CNOT6L: variants seen among roughly 807,000 people sequenced by gnomAD.
CNOT6L encodes CCR4-NOT transcription complex subunit 6 like, also known as CCR4-NOT transcription complex subunit 6-like.
A neutral mutation model predicts 64.0 loss-of-function variants in CNOT6L; 7 were observed. That is an observed-to-expected ratio of 0.11 (90% confidence interval 0.06 to 0.21). The LOEUF (loss-of-function observed/expected upper bound fraction) is 0.21. CNOT6L is among the 10% of genes least tolerant of loss of function. The probability of loss-of-function intolerance (pLI) is 1.00; values close to 1 mark genes in which losing one functional copy is unlikely to be tolerated. For missense variants in CNOT6L, 245 were observed against 669.0 expected (o/e 0.37, Z 6.99); for synonymous variants, 193 against 243.4 (o/e 0.79, Z 1.93).
At chr4:77,819,727 CGCCGGAGGGGAGAGGCACCG>C (rs1255004101), upstream of CNOT6L, 3 of 149,102 alleles carry the variant, frequency 2.0e-5, no homozygotes, top group Non-Finnish European at 4.5e-5. Context: ...GCAGGCAGCC[CGCCGGAGGGGAGAGGCACCG>C]GCCGGAGGGG....
At chr4:77,818,952 GC>G (rs1182135929) in intron 1 of CNOT6L, 1 of 648,590 alleles carries the variant, frequency 1.5e-6, no homozygotes, top group Non-Finnish European at 2.8e-6. Context: ...TCCCCGGCCG[GC>G]CCCCTAGGAG....
intron 3 of CNOT6L, among the ~76,000 whole-genome samples, chr4:77,774,127 A>C (rs1727905680): frequency 6.6e-6 from 1 of 152,214 alleles, no homozygotes; most frequent in Non-Finnish European, 1.5e-5. Context: ...CCATTTCATC[A>C]GGTTTTAAGG....
chr4:77,759,653 G>C (rs746403185), intron 4 of CNOT6L, among the ~76,000 whole-genome samples: 2 of 151,352 alleles, frequency 1.3e-5, no homozygotes, highest in Non-Finnish European at 2.9e-5. Flanking sequence ...AGTGTCAGCA[G>C]CGACAACAGG....
At chr4:77,729,761 TC>T (rs1722236271) in intron 9 of CNOT6L, among the ~76,000 whole-genome samples, 1 of 152,056 alleles carries the variant, frequency 6.6e-6, no homozygotes, top group African/African-American at 2.4e-5. Context: ...TTTTTTTTAT[TC>T]CTATAATTCT....
At chr4:77,727,446 A>AATTCCAG (rs1311219330) in intron 10 of CNOT6L, among the ~76,000 whole-genome samples, 1 of 151,874 alleles carries the variant, frequency 6.6e-6, no homozygotes, top group Non-Finnish European at 1.5e-5. Context: ...ATGCACCTGT[A>AATTCCAG]ATTCCAGCTA....
intron 5 of CNOT6L, among the ~76,000 whole-genome samples, chr4:77,748,761 TACTC>T (rs572518039): frequency 3.8e-4 from 58 of 152,166 alleles, no homozygotes; most frequent in Non-Finnish European, 5.3e-4. Flanking sequence ...TGAATTAAAA[TACTC>T]AAACATCTTT....
intron 1 of CNOT6L, among the ~76,000 whole-genome samples, chr4:77,793,314 C>T (rs1730380880): frequency 6.6e-6 from 1 of 152,122 alleles, no homozygotes; most frequent in Non-Finnish European, 1.5e-5. Context: ...CAGCAATTTC[C>T]AACTGGAGAC....
chr4:77,769,336 G>A (rs762577615), intron 4 of CNOT6L, among the ~76,000 whole-genome samples: 1 of 152,042 alleles, frequency 6.6e-6, no homozygotes, highest in Admixed American at 6.6e-5. Flanking sequence ...ATAATGACAA[G>A]GTGTGTTTGT....
intron 9 of CNOT6L, 142 bp downstream of exon 9, chr4:77,731,245 T>C: frequency 1.5e-6 from 1 of 684,824 alleles, no homozygotes; most frequent in South Asian, 1.9e-5. Flanking sequence ...AATGGTGCTA[T>C]TTTCCTGCCC....
intron 8 of CNOT6L, among the ~76,000 whole-genome samples, chr4:77,733,095 T>A (rs2109901435): frequency 6.6e-6 from 1 of 152,244 alleles, no homozygotes; most frequent in South Asian, 2.1e-4. Context: ...AGCTGTGGAA[T>A]ACCTTTTACA....
intron 5 of CNOT6L, among the ~76,000 whole-genome samples, chr4:77,748,973 T>C (rs753274944): frequency 6.6e-6 from 1 of 152,204 alleles, no homozygotes; most frequent in Non-Finnish European, 1.5e-5. Flanking sequence ...AACTAAATGC[T>C]ACCTAACTAC....
intron 11 of CNOT6L, among the ~76,000 whole-genome samples, chr4:77,720,900 A>C (rs1466498409): frequency 6.6e-6 from 1 of 152,180 alleles, no homozygotes; most frequent in African/African-American, 2.4e-5. Flanking sequence ...AAACACATTA[A>C]ATTATGTCTA....
intron 1 of CNOT6L, among the ~76,000 whole-genome samples, chr4:77,777,416 C>A (rs773164024): frequency 1.3e-5 from 2 of 152,186 alleles, no homozygotes; most frequent in Non-Finnish European, 2.9e-5. Context: ...AATCACTGAA[C>A]AATCATCAAT....
intron 4 of CNOT6L, among the ~76,000 whole-genome samples, chr4:77,760,789 C>G (rs1042205490): frequency 2.7e-5 from 4 of 148,752 alleles, no homozygotes; most frequent in African/African-American, 9.9e-5. Context: ...CTCCGCCTCC[C>G]AGGTTCACGC....
At chr4:77,795,274 C>T (rs2110123114) in intron 1 of CNOT6L, among the ~76,000 whole-genome samples, 1 of 152,164 alleles carries the variant, frequency 6.6e-6, no homozygotes, top group South Asian at 2.1e-4. Context: ...CCACCTCGGC[C>T]TCCCAAAGTG....
chr4:77,727,225 C>G (rs1018525404), intron 10 of CNOT6L, among the ~76,000 whole-genome samples: 3 of 152,078 alleles, frequency 2.0e-5, no homozygotes, highest in Non-Finnish European at 4.4e-5. Context: ...GTAAATCTCA[C>G]AATTCTATGA....
intron 6 of CNOT6L, among the ~76,000 whole-genome samples, chr4:77,745,840 G>A (rs567903067): frequency 3.3e-5 from 5 of 152,290 alleles, no homozygotes; most frequent in South Asian, 2.1e-4. Flanking sequence ...TAAATAAGAC[G>A]TGAGGAATTC....
At chr4:77,757,085 AT>A (rs1725654524) in intron 4 of CNOT6L, 134 bp from the exon 5 acceptor site, 2 of 461,100 alleles carry the variant, frequency 4.3e-6, no homozygotes, top group Non-Finnish European at 7.6e-6. Context: ...TTAATCTATT[AT>A]ATACATTTAA....
chr4:77,788,946 A>T (rs1207470026), intron 1 of CNOT6L, among the ~76,000 whole-genome samples: 1 of 152,182 alleles, frequency 6.6e-6, no homozygotes, highest in Non-Finnish European at 1.5e-5. Flanking sequence ...TCTATATGGC[A>T]GTACAAGTCT....
Sources: allele counts gnomAD v4.1 joint callset (sites outside exome capture counted in the v4.1 genomes callset), GRCh38; gene constraint gnomAD v4.1.1; transcripts MANE v1.5; gene names NCBI Gene and HGNC (gene_info 2026-07-23, HGNC 2026-07-21).